The following C5 variants were observed in gnomAD, a reference collection of about 807,000 sequenced individuals.
The protein encoded by C5 is C3 and PZP-like alpha-2-macroglobulin domain-containing protein 4.
Under a neutral mutation model 218.8 loss-of-function variants are expected in C5, and 140 were observed. The observed-to-expected ratio is 0.64, with a 90% CI of 0.56 to 0.74. The LOEUF is 0.74. C5 is among the 30% of genes least tolerant of loss of function. The probability of loss-of-function intolerance (pLI) is 0.00; values close to 1 mark genes in which losing one functional copy is unlikely to be tolerated. For missense variants in C5, 1,700 were observed against 1,969.6 expected (o/e 0.86, Z 2.59); for synonymous variants, 614 against 682.3 (o/e 0.90, Z 1.56).
At chr9:120,986,394 A>G (rs1433555045) in intron 25 of C5, among the ~76,000 whole-genome samples, 7 of 152,074 alleles carry the variant, frequency 4.6e-5, no homozygotes, top group African/African-American at 1.4e-4. Flanking sequence ...AATATAAAAA[A>G]TGTTCATCAT....
chr9:120,972,377 G>A (rs1051756638), intron 30 of C5, among the ~76,000 whole-genome samples: 4 of 152,146 alleles, frequency 2.6e-5, no homozygotes, highest in Admixed American at 6.5e-5. Context: ...AATGGAGATC[G>A]TTTTCATTAG....
intron 33 of C5, among the ~76,000 whole-genome samples, chr9:120,968,684 G>C (rs1564133979): frequency 6.6e-6 from 1 of 152,194 alleles, no homozygotes; most frequent in Admixed American, 6.5e-5. Flanking sequence ...CTTGAGTTGA[G>C]AATCTAGCTG....
chr9:120,967,259 C>CAAA lies in C5; in HGVS notation c.4220+1799_4220+1801dup, dbSNP rs755173508. ...TGGGAGACAGAGTGAAACTCCATCTCAAAAAAAAAAAAAAAAAAGATGTGG... is the reference window on the plus strand; with the variant it reads ...TGGGAGACAGAGTGAAACTCCATCTCAAAAAAAAAAAAAAAAAAAAAGATGTGG... On this transcript the variant is annotated intron_variant, in intron 33 of 40. Coordinates refer to ENST00000223642, the MANE Select transcript of C5 (RefSeq NM_001735.3). Among the ~76,000 whole-genome samples, 24 of 74,032 alleles carry CAAA rather than the reference C, an allele frequency of 3.2e-4. 1 individual carries two copies. Among genetic ancestry groups the CAAA allele is most frequent in the African/African-American group, 8.6e-4 (24 of 27,802 alleles). 48.6% of individuals were successfully genotyped at this position (74,032 alleles called of 152,430 possible). A position where few individuals can be genotyped will look rare whatever the true frequency, so the allele number is the denominator to read the frequency against.
intron 20 of C5, among the ~76,000 whole-genome samples, chr9:121,005,574 G>A (rs1289136633): frequency 6.6e-6 from 1 of 152,114 alleles, no homozygotes; most frequent in Non-Finnish European, 1.5e-5. Flanking sequence ...CTAAAATGGA[G>A]GAAAGGGTTG....
At chr9:121,023,671 G>A (rs904514455) in intron 9 of C5, 152 bp from the exon 10 acceptor site, 2 of 673,716 alleles carry the variant, frequency 3.0e-6, no homozygotes, top group Non-Finnish European at 5.5e-6. Context: ...TAGGACATAG[G>A]TCTTGCTTCA....
intron 36 of C5, among the ~76,000 whole-genome samples, chr9:120,962,348 T>G (rs2046833640): frequency 1.3e-5 from 2 of 152,138 alleles, no homozygotes; most frequent in African/African-American, 4.8e-5. Context: ...TTGATTTCTC[T>G]CAAAAGGAGA....
chr9:121,003,530 A>T (rs2047189679), intron 20 of C5, among the ~76,000 whole-genome samples: 1 of 152,238 alleles, frequency 6.6e-6, no homozygotes, highest in Non-Finnish European at 1.5e-5. Flanking sequence ...TGGCATTTCT[A>T]TGACAAAGAG....
chr9:121,064,392 G>T, the C5 span, among the ~76,000 whole-genome samples: 1 of 151,994 alleles, frequency 6.6e-6, no homozygotes, highest in Admixed American at 6.6e-5. Context: ...TTCTTTGAGT[G>T]TTTTGTTAAC....
In C5 at chr9:120,961,735, TC is replaced by T. The variant is rs41312913; in HGVS notation, c.4505-171del. Among the ~76,000 whole-genome samples, 909 of 152,264 alleles carry T rather than the reference TC, an allele frequency of 6.0e-3. 11 individuals are homozygous for T. The highest frequency in any genetic ancestry group is 0.021 in the African/African-American group (864 of 41,542). The stretch of plus-strand genomic sequence containing the variant: ...ATGAATTGGCTGTCCTGGGAAGGGT[TC>T]CGCTACCCTCAGAAAGATCTCCCCT... On this transcript the variant is annotated intron_variant, in intron 36 of 40. Transcript: ENST00000223642.
At chr9:121,068,541 A>T in the C5 span, among the ~76,000 whole-genome samples, 3 of 152,212 alleles carry the variant, frequency 2.0e-5, no homozygotes, top group Admixed American at 1.3e-4. Flanking sequence ...TATTATTAAA[A>T]TGACCATACT....
chr9:121,052,791 AT>A (rs1344899562), upstream of C5, among the ~76,000 whole-genome samples: 2 of 152,172 alleles, frequency 1.3e-5, no homozygotes, highest in Non-Finnish European at 2.9e-5. Context: ...CAGGATAATA[AT>A]TTTGTATCTT....
intron 32 of C5, 141 bp from the exon 33 acceptor site, chr9:120,969,259 T>TCTAA: frequency 1.4e-6 from 1 of 722,430 alleles, no homozygotes; most frequent in Non-Finnish European, 2.5e-6. Context: ...GAAGTTTAGA[T>TCTAA]ACTTTCAGTG....
chr9:121,064,587 C>T, the C5 span, among the ~76,000 whole-genome samples: 3 of 151,988 alleles, frequency 2.0e-5, no homozygotes, highest in East Asian at 1.9e-4. Flanking sequence ...TCATAAATTC[C>T]TCAAATAATT....
chr9:121,026,084 T>C (rs1260500089), intron 8 of C5, among the ~76,000 whole-genome samples: 1 of 152,226 alleles, frequency 6.6e-6, no homozygotes, highest in Non-Finnish European at 1.5e-5. Flanking sequence ...ATTGAGCGAC[T>C]TGAGGGCAGG....
intron 39 of C5, among the ~76,000 whole-genome samples, chr9:120,954,894 T>G (rs1023805986): frequency 3.9e-5 from 6 of 152,246 alleles, no homozygotes; most frequent in Non-Finnish European, 8.8e-5. Flanking sequence ...CTGAGCAACA[T>G]TACCAGTACT....
At chr9:120,968,672 A>C (rs2046887126) in intron 33 of C5, among the ~76,000 whole-genome samples, 1 of 152,242 alleles carries the variant, frequency 6.6e-6, no homozygotes. Flanking sequence ...TTCAATGTGC[A>C]GCTTGAGTTG....
intron 29 of C5, 146 bp downstream of exon 29, chr9:120,976,554 A>G (rs2046954280): frequency 2.7e-6 from 2 of 739,230 alleles, no homozygotes; most frequent in Non-Finnish European, 4.9e-6. Context: ...TGACGCAGAT[A>G]ACCTGTAGGG....
chr9:120,976,156 G>A (rs2046951778), intron 29 of C5, among the ~76,000 whole-genome samples: 1 of 152,088 alleles, frequency 6.6e-6, no homozygotes, highest in African/African-American at 2.4e-5. Flanking sequence ...AGGCAACAGG[G>A]AAGATATTAA....
the C5 span, among the ~76,000 whole-genome samples, chr9:121,074,531 T>C: frequency 6.6e-6 from 1 of 152,154 alleles, no homozygotes; most frequent in Non-Finnish European, 1.5e-5. Context: ...GAGAGAAGTG[T>C]GCTGATAAGA....
Sources: gnomAD v4.1 joint callset for allele counts (sites outside exome capture counted in the v4.1 genomes callset) on GRCh38, gnomAD v4.1.1 for gene constraint, MANE v1.5 for transcripts, NCBI Gene and HGNC (gene_info 2026-07-23, HGNC 2026-07-21) for gene names.